The following TMEM114 variants were observed in gnomAD, a reference collection of about 807,000 sequenced individuals.
TMEM114 encodes the protein claudin-26.
Under a neutral mutation model 6.2 loss-of-function variants are expected in TMEM114, and 6 were observed. That is an observed-to-expected ratio of 0.97 (90% CI 0.53 to 1.91). The LOEUF (loss-of-function observed/expected upper bound fraction) is 1.91, where lower values mean the gene tolerates loss of function less well. Among genes scored for constraint, TMEM114 ranks in the 40% most tolerant of loss-of-function variants. The probability of loss-of-function intolerance (pLI) is 0.01; values close to 1 mark genes in which losing one functional copy is unlikely to be tolerated. For synonymous variants in TMEM114, 104 were observed against 73.0 expected (o/e 1.42, Z -2.16); for missense variants, 218 against 158.3 (o/e 1.38, Z -2.02).
At chr16:8,559,561 G>C (rs1901133312) in intron 2 of TMEM114, among the ~76,000 whole-genome samples, 1 of 152,238 alleles carries the variant, frequency 6.6e-6, no homozygotes, top group Non-Finnish European at 1.5e-5. Flanking sequence ...AAGCGGATAG[G>C]GGAGTCGGCT....
chr16:8,576,742 G>GGAAGGAAGGAAGGAAGGAAA (rs1323728329), intron 2 of TMEM114, among the ~76,000 whole-genome samples: 78 of 150,574 alleles, frequency 5.2e-4, no homozygotes, highest in African/African-American at 1.8e-3. Context: ...AAGGAAGGAA[G>GGAAGGAAGGAAGGAAGGAAA]GAAGGAAGGA....
downstream of TMEM114, among the ~76,000 whole-genome samples, chr16:8,567,458 G>A (rs551744834): frequency 2.6e-5 from 4 of 152,326 alleles, no homozygotes; most frequent in Middle Eastern, 3.4e-3. Flanking sequence ...CAGTTCCTGA[G>A]GTGCACACAT....
chr16:8,536,983 A>G (rs997857701), downstream of TMEM114, among the ~76,000 whole-genome samples: 6 of 152,124 alleles, frequency 3.9e-5, no homozygotes, highest in East Asian at 3.9e-4. Flanking sequence ...AAGTGGGAGG[A>G]TCATTTGAGC....
At chr16:8,527,816 G>C in the TMEM114 span, among the ~76,000 whole-genome samples, 1 of 152,184 alleles carries the variant, frequency 6.6e-6, no homozygotes, top group African/African-American at 2.4e-5. Context: ...ACAGGATGTG[G>C]AGTTTGGGTC....
intron 2 of TMEM114, among the ~76,000 whole-genome samples, chr16:8,555,025 A>G (rs1216523724): frequency 1.3e-5 from 2 of 152,194 alleles, no homozygotes; most frequent in Non-Finnish European, 2.9e-5. Context: ...CTTCAGTACC[A>G]GGGCCTTCCC....
At chr16:8,565,065 A>ATGAG (rs541918501), downstream of TMEM114, among the ~76,000 whole-genome samples, 257 of 146,664 alleles carry the variant, frequency 1.8e-3, 4 homozygotes, top group African/African-American at 6.2e-3. Context: ...GAGTGAGTGA[A>ATGAG]TGAGTGAGTG....
intron 2 of TMEM114, among the ~76,000 whole-genome samples, chr16:8,543,205 G>T (rs2141651082): frequency 6.6e-6 from 1 of 152,268 alleles, no homozygotes; most frequent in African/African-American, 2.4e-5. Flanking sequence ...GGCCCCAATG[G>T]GGGACTAAGG....
chr16:8,551,888 A>T (rs368774673), intron 2 of TMEM114, among the ~76,000 whole-genome samples: 5 of 152,338 alleles, frequency 3.3e-5, no homozygotes, highest in Admixed American at 1.3e-4. Context: ...CTACATCAGA[A>T]CCATGGAATA....
chr16:8,569,373 A>C, downstream of TMEM114: 3 of 824,100 alleles, frequency 3.6e-6, no homozygotes, highest in African/African-American at 1.8e-5. Context: ...AACGCATTAC[A>C]GGGCCCAGGA....
At chr16:8,543,408 C>A (rs1471902102) in intron 2 of TMEM114, among the ~76,000 whole-genome samples, 1 of 152,022 alleles carries the variant, frequency 6.6e-6, no homozygotes, top group Non-Finnish European at 1.5e-5. Flanking sequence ...CCTGCTTTCC[C>A]TACCTACCAA....
intron 2 of TMEM114, among the ~76,000 whole-genome samples, chr16:8,579,468 A>ATATG (rs1555465686): frequency 1.7e-4 from 26 of 152,028 alleles, no homozygotes; most frequent in African/African-American, 6.3e-4. Context: ...ATATATATAT[A>ATATG]TGTGTGTCCT....
chr16:8,546,276 T>G (rs1900662240), intron 2 of TMEM114, among the ~76,000 whole-genome samples: 1 of 152,236 alleles, frequency 6.6e-6, no homozygotes, highest in Non-Finnish European at 1.5e-5. Context: ...AACTGGTAAG[T>G]AAATCAACAC....
chr16:8,580,661 A>G (rs1472738505), intron 2 of TMEM114, among the ~76,000 whole-genome samples: 2 of 152,048 alleles, frequency 1.3e-5, no homozygotes, highest in African/African-American at 4.8e-5. Flanking sequence ...CATATTCCTC[A>G]AATTCTACAA....
intron 2 of TMEM114, among the ~76,000 whole-genome samples, chr16:8,549,971 C>T (rs957106701): frequency 1.4e-4 from 22 of 152,278 alleles, no homozygotes; most frequent in Admixed American, 2.6e-4. Context: ...CCAGGGAAGC[C>T]GACAGTGCAG....
chr16:8,572,074 G>A lies in TMEM114; in HGVS notation c.439+13C>T. The A allele has an allele frequency of 6.5e-7, 1 of 1,533,912 alleles. No homozygotes were observed. The highest frequency in any genetic ancestry group is 8.8e-7 in the Non-Finnish European group (1 of 1,138,312). On this transcript the variant is annotated intron_variant, in intron 3 of 3. Coordinates refer to ENST00000620492, the MANE Select transcript of TMEM114 (RefSeq NM_001146336.2). ...GACCACAAGCCAGAGCCCTAGGCAG[G>A]GTGGGCACCTACCTCCAAAGAGGAA...
chr16:8,555,861 C>A (rs1900993270), intron 2 of TMEM114, among the ~76,000 whole-genome samples: 1 of 152,172 alleles, frequency 6.6e-6, no homozygotes, highest in African/African-American at 2.4e-5. Flanking sequence ...GAATATCTGG[C>A]CTCAAATGTC....
At chr16:8,551,614 T>A (rs1900846692) in intron 2 of TMEM114, among the ~76,000 whole-genome samples, 1 of 152,190 alleles carries the variant, frequency 6.6e-6, no homozygotes, top group African/African-American at 2.4e-5. Flanking sequence ...CATACTAAAG[T>A]TTGACAAGAA....
chr16:8,529,924 A>G, the TMEM114 span, among the ~76,000 whole-genome samples: 1 of 152,144 alleles, frequency 6.6e-6, no homozygotes, highest in African/African-American at 2.4e-5. Flanking sequence ...ATTTGCACTC[A>G]ACCTGAAATT....
chr16:8,564,670 G>T (rs1322859615), downstream of TMEM114, among the ~76,000 whole-genome samples: 39 of 74,240 alleles, frequency 5.3e-4, no homozygotes, highest in Admixed American at 8.3e-4. Context: ...AGGGAGGGAG[G>T]GAATGAGTGA....
Sources: allele counts gnomAD v4.1 joint callset (sites outside exome capture counted in the v4.1 genomes callset), GRCh38; gene constraint gnomAD v4.1.1; transcripts MANE v1.5; gene names NCBI Gene and HGNC (gene_info 2026-07-23, HGNC 2026-07-21).